Variants in PLXDC2 observed in about 807,000 individuals in gnomAD.
The protein encoded by PLXDC2 is plexin domain containing 2.
Under a neutral mutation model 68.9 loss-of-function variants are expected in PLXDC2, and 40 were observed. That is an observed-to-expected ratio of 0.58 (90% confidence interval 0.45 to 0.76). The LOEUF (loss-of-function observed/expected upper bound fraction) is 0.76, where lower values mean the gene tolerates loss of function less well. Among genes scored for constraint, PLXDC2 ranks in the 30% least tolerant of loss-of-function variants. The pLI is 0.00. For missense variants in PLXDC2, 644 were observed against 661.9 expected, an observed-to-expected ratio of 0.97 and a Z score of 0.30; for synonymous variants, 243 against 234.2, an observed-to-expected ratio of 1.04 and a Z score of -0.34.
intron 1 of PLXDC2, among the ~76,000 whole-genome samples, chr10:19,892,940 C>A (rs1837991783): frequency 7.5e-6 from 1 of 133,458 alleles, no homozygotes; most frequent in East Asian, 2.1e-4. Context: ...TTTTTTTTTG[C>A]CACTGTTACA....
At chr10:20,067,883 A>G (rs1241186417) in intron 3 of PLXDC2, among the ~76,000 whole-genome samples, 1 of 152,152 alleles carries the variant, frequency 6.6e-6, no homozygotes, top group African/African-American at 2.4e-5. Context: ...TAGTCAAACT[A>G]AAAAGAACCT....
chr10:19,987,168 G>C (rs973033987), intron 1 of PLXDC2, among the ~76,000 whole-genome samples: 1 of 152,170 alleles, frequency 6.6e-6, no homozygotes, highest in Non-Finnish European at 1.5e-5. Context: ...AGAGCCTAGA[G>C]AGATGACCCC....
chr10:19,952,864 G>T (rs932643517), intron 1 of PLXDC2, among the ~76,000 whole-genome samples: 3 of 152,116 alleles, frequency 2.0e-5, no homozygotes, highest in African/African-American at 7.2e-5. Flanking sequence ...CTGGCCAGAA[G>T]GGAGTCAACC....
intron 2 of PLXDC2, among the ~76,000 whole-genome samples, 177 bp from the exon 3 acceptor site, chr10:20,046,692 G>A (rs987571116): frequency 1.9e-4 from 29 of 151,838 alleles, no homozygotes; most frequent in Non-Finnish European, 4.4e-5. Flanking sequence ...CTTACAGTTC[G>A]TATGTGTGTG....
At chr10:20,233,861 C>T (rs183428022) in intron 12 of PLXDC2, among the ~76,000 whole-genome samples, 1 of 152,218 alleles carries the variant, frequency 6.6e-6, no homozygotes, top group East Asian at 1.9e-4. Context: ...AACTCTGTCA[C>T]CCAGGCTAGA....
chr10:19,919,995 C>G (rs892689552), intron 1 of PLXDC2, among the ~76,000 whole-genome samples: 7 of 152,220 alleles, frequency 4.6e-5, no homozygotes, highest in Admixed American at 1.3e-4. Flanking sequence ...CACCCCCAAA[C>G]ACACACTCAA....
intron 12 of PLXDC2, among the ~76,000 whole-genome samples, chr10:20,244,413 A>G (rs1835560954): frequency 6.6e-6 from 1 of 152,198 alleles, no homozygotes; most frequent in Non-Finnish European, 1.5e-5. Flanking sequence ...CATCTCAGTA[A>G]AAGTTAGAGG....
chr10:20,167,461 G>A (rs746775768), intron 7 of PLXDC2, among the ~76,000 whole-genome samples: 2 of 152,108 alleles, frequency 1.3e-5, no homozygotes, highest in African/African-American at 2.4e-5. Flanking sequence ...AATTTAGACC[G>A]ATATTAAGTC....
chr10:19,958,824 T>C (rs1834111889), intron 1 of PLXDC2, among the ~76,000 whole-genome samples: 1 of 152,138 alleles, frequency 6.6e-6, no homozygotes, highest in Admixed American at 6.6e-5. Flanking sequence ...GTTTTTGTTT[T>C]GTTTTGTTTT....
intron 1 of PLXDC2, among the ~76,000 whole-genome samples, chr10:19,891,253 G>A (rs2131360005): frequency 6.6e-6 from 1 of 152,242 alleles, no homozygotes; most frequent in African/African-American, 2.4e-5. Flanking sequence ...ATACCAAAAT[G>A]CAATATTATA....
At chr10:20,090,227 T>A (rs575164891) in intron 4 of PLXDC2, among the ~76,000 whole-genome samples, 28 of 152,306 alleles carry the variant, frequency 1.8e-4, no homozygotes, top group Admixed American at 5.9e-4. Context: ...TGCCCATGTG[T>A]ATTTTCAGAT....
intron 1 of PLXDC2, among the ~76,000 whole-genome samples, chr10:19,829,181 G>GTTTTTTTTTTTTTTTTTTTTTTTTT (rs1836635771): frequency 1.7e-5 from 1 of 58,468 alleles, no homozygotes; most frequent in Non-Finnish European, 3.3e-5. Flanking sequence ...TTTTTTTTTG[G>GTTTTTTTTTTTTTTTTTTTTTTTTT]CTTTTTGTCC....
intron 1 of PLXDC2, among the ~76,000 whole-genome samples, chr10:19,858,764 G>A (rs1250405907): frequency 2.0e-5 from 3 of 152,084 alleles, no homozygotes; most frequent in Non-Finnish European, 4.4e-5. Flanking sequence ...TTTCATAATG[G>A]CACTAGAAGT....
At position 19,991,865 on chromosome 10, in the gene PLXDC2, C is replaced by G. The variant is rs769127288; in HGVS notation, c.113-9910C>G. 3.9e-5 allele frequency among the ~76,000 whole-genome samples: 6 copies of G among 152,116 alleles called. No homozygotes were observed. In the South Asian group the frequency reaches 8.3e-4, roughly 21 times the overall value. On this transcript the variant is annotated intron_variant, in intron 1 of 13. Coordinates refer to ENST00000377252, the MANE Select transcript of PLXDC2 (RefSeq NM_032812.9). ...TTCTGCCTCAGCCATTTCATATTTT[C>G]CATAGTGAGGTATTGGCCATGATTG...
chr10:20,088,560 G>A (rs960132887), intron 4 of PLXDC2, among the ~76,000 whole-genome samples: 5 of 152,078 alleles, frequency 3.3e-5, no homozygotes, highest in Admixed American at 3.3e-4. Flanking sequence ...ACCCAAGAAA[G>A]GTAGAGATAG....
intron 1 of PLXDC2, among the ~76,000 whole-genome samples, chr10:19,997,269 T>G (rs1834859344): frequency 6.6e-6 from 1 of 152,230 alleles, no homozygotes; most frequent in African/African-American, 2.4e-5. Flanking sequence ...AATTTTATCT[T>G]TGGTTCTGCA....
chr10:20,044,215 T>TTCTC (rs1185597811), intron 2 of PLXDC2, among the ~76,000 whole-genome samples: 3 of 6,776 alleles, frequency 4.4e-4, no homozygotes, highest in Admixed American at 4.3e-3. Context: ...CTCTCTGTCT[T>TTCTC]TCTTTCTTTC....
intron 7 of PLXDC2, among the ~76,000 whole-genome samples, chr10:20,165,508 T>A (rs1432767925): frequency 3.3e-5 from 5 of 151,478 alleles, no homozygotes; most frequent in Admixed American, 1.3e-4. Flanking sequence ...AATTCCCACC[T>A]ATGAGTGAGA....
intron 2 of PLXDC2, among the ~76,000 whole-genome samples, chr10:20,004,744 T>C (rs759463150): frequency 6.6e-6 from 1 of 152,208 alleles, no homozygotes; most frequent in Non-Finnish European, 1.5e-5. Flanking sequence ...ATCTCTTTGA[T>C]TGGGGGTATA....
Sources: gnomAD v4.1 joint callset for allele counts (sites outside exome capture counted in the v4.1 genomes callset) on GRCh38, gnomAD v4.1.1 for gene constraint, MANE v1.5 for transcripts, NCBI Gene and HGNC (gene_info 2026-07-23, HGNC 2026-07-21) for gene names.